The following KTN1 variants were observed in gnomAD, a reference collection of about 807,000 sequenced individuals.
KTN1 encodes the protein kinectin.
In KTN1, 130 loss-of-function variants were observed where a neutral mutation model predicts 222.5. That is an observed-to-expected ratio of 0.58 (90% CI 0.51 to 0.68). The LOEUF is 0.68. KTN1 is among the 30% of genes least tolerant of loss of function. The pLI is 0.00. For missense variants in KTN1, 1,508 were observed against 1,500.4 expected (o/e 1.01, Z -0.08); for synonymous variants, 512 against 496.3 (o/e 1.03, Z -0.42).
At position 55,588,391 on chromosome 14, in the gene KTN1, C is replaced by T. The variant is rs371404069; in HGVS notation, c.-31+8037C>T. Reference sequence around the variant, plus strand: ...GTAATTCAACTTTTCCTTGTCATGACTTTTCTCTGCTTCTCGGGAGCACTT... The same window carrying T: ...GTAATTCAACTTTTCCTTGTCATGATTTTTCTCTGCTTCTCGGGAGCACTT... On this transcript the variant is annotated intron_variant, in intron 1 of 43. Transcript: ENST00000395314. 1.5e-4 allele frequency among the ~76,000 whole-genome samples: 23 copies of T among 152,236 alleles called. No homozygotes were observed. In the East Asian group the frequency reaches 1.5e-3, roughly 10 times the overall value.
intron 24 of KTN1, chr14:55,651,243 G>A (rs371034988): frequency 4.4e-6 from 2 of 455,774 alleles, no homozygotes; most frequent in Non-Finnish European, 4.4e-6. Context: ...ATAATGTGTT[G>A]AATGAAACAG....
intron 10 of KTN1, 125 bp downstream of exon 10, chr14:55,636,661 A>T: frequency 3.3e-6 from 2 of 614,980 alleles, no homozygotes; most frequent in East Asian, 5.8e-5. Flanking sequence ...TAGCTTTTAT[A>T]CTTTCAGAAT....
chr14:55,667,266 T>C lies in KTN1; in HGVS notation c.3203T>C (p.Val1068Ala). 6.2e-7 allele frequency: 1 copy of C among 1,606,450 alleles called. No individual in the cohort carries two copies. Among genetic ancestry groups the C allele is most frequent in the Non-Finnish European group, 8.5e-7 (1 of 1,176,514 alleles). The change falls in exon 34 of 44, where the codon GTT becomes GCT. Residue 1068 changes from valine to alanine, a missense_variant. Transcript: ENST00000395314. The part of the protein sequence containing the change: ...SKERQQQVEA[V>A]ELEAKEVLKK... ...GAAAGGCAGCAACAGGTGGAAGCTG[T>C]TGAGTTGGAGGCTAAAGAAGTTCTC...
At position 55,633,219 on chromosome 14, in the gene KTN1, TG is replaced by T; in HGVS notation, c.1222-15del. On this transcript the variant is annotated splice_polypyrimidine_tract_variant and intron_variant, in intron 7 of 43. Coordinates refer to ENST00000395314, the MANE Select transcript of KTN1 (RefSeq NM_001079521.2). ...GTCTTTGTTTTCTAAGTTTTATGTG[TG>T]TAAAATAATTTTAGTTTCAGCAAGT... 1 of 1,498,378 alleles carries T rather than the reference TG, an allele frequency of 6.7e-7. No homozygotes were observed. The highest frequency in any genetic ancestry group is 2.4e-5 in the East Asian group (1 of 41,600). The allele number at this position is 1,498,378 out of a possible 1,614,324, so 92.8% of individuals were successfully genotyped here.
chr14:55,679,667 G>C lies in KTN1; in HGVS notation c.4051G>C (p.Glu1351Gln). 2 of 1,614,000 alleles carry C rather than the reference G, an allele frequency of 1.2e-6. No homozygotes were observed. Among genetic ancestry groups the C allele is most frequent in the South Asian group, 2.2e-5 (2 of 91,064 alleles). The change falls in exon 43 of 44, where the codon GAG becomes CAG. Residue 1351 changes from glutamate to glutamine, a missense_variant. Transcript: ENST00000395314. ...AAACCAACAGCTCACAAAGGAGAAA[G>C]AGCACTACCAGGTGTTAGGTAAGGA... ...AVNQQLTKEKEHYQVLE is the reference protein window; with the variant it reads ...AVNQQLTKEKQHYQVLE
chr14:55,663,812 T>G (rs2044405157), intron 32 of KTN1, 143 bp from the exon 33 acceptor site: 3 of 577,276 alleles, frequency 5.2e-6, no homozygotes, highest in Non-Finnish European at 9.3e-6. Flanking sequence ...GCTTTTTATT[T>G]TTTTGCTAAT....
At chr14:55,657,238 TGACAA>T (rs2043575730) in intron 29 of KTN1, among the ~76,000 whole-genome samples, 1 of 152,210 alleles carries the variant, frequency 6.6e-6, no homozygotes, top group South Asian at 2.1e-4. Flanking sequence ...TTTCCAACAT[TGACAA>T]GGATAAAAAT....
intron 13 of KTN1, among the ~76,000 whole-genome samples, 157 bp downstream of exon 13, chr14:55,639,379 T>C (rs138195380): frequency 3.5e-5 from 5 of 142,876 alleles, no homozygotes; most frequent in East Asian, 2.0e-4. Context: ...TTTTTTTTTT[T>C]CCTTTTTCCC....
At chr14:55,611,820 C>G (rs756234086) in intron 1 of KTN1, among the ~76,000 whole-genome samples, 199 bp from the exon 2 acceptor site, 1 of 152,132 alleles carries the variant, frequency 6.6e-6, no homozygotes, top group Non-Finnish European at 1.5e-5. Context: ...CTAGTTACCA[C>G]TTGTCTTATT....
At chr14:55,646,687 T>C (rs1415127284) in intron 18 of KTN1, among the ~76,000 whole-genome samples, 1 of 151,866 alleles carries the variant, frequency 6.6e-6, no homozygotes, top group African/African-American at 2.4e-5. Flanking sequence ...AGGCAGATTG[T>C]CTTAAGGTTA....
intron 7 of KTN1, among the ~76,000 whole-genome samples, chr14:55,631,343 TATATATATATA>T (rs1484474375): frequency 1.0e-5 from 1 of 99,022 alleles, no homozygotes; most frequent in Non-Finnish European, 2.1e-5. Context: ...ATAAGGTTGA[TATATATATATA>T]TATATATATA....
At chr14:55,645,702 G>T (rs1482635107) in intron 18 of KTN1, among the ~76,000 whole-genome samples, 1 of 151,944 alleles carries the variant, frequency 6.6e-6, no homozygotes, top group African/African-American at 2.4e-5. Context: ...TTTTCCCATT[G>T]GGAAGTTTTT....
At chr14:55,584,717 A>AAC (rs149856821) in intron 1 of KTN1, among the ~76,000 whole-genome samples, 12,166 of 152,260 alleles carry the variant, frequency 0.08, 531 homozygotes, top group South Asian at 0.12. Context: ...ATAACCCTCA[A>AAC]ACACAGTATT....
intron 32 of KTN1, among the ~76,000 whole-genome samples, chr14:55,662,069 CTTTT>C (rs71131302): frequency 4.6e-5 from 6 of 129,680 alleles, no homozygotes; most frequent in Admixed American, 7.9e-5. Context: ...TCCTCCTGCC[CTTTT>C]TTTTTTTTTT....
At chr14:55,660,036 G>A (rs959826038) in intron 31 of KTN1, among the ~76,000 whole-genome samples, 1 of 152,082 alleles carries the variant, frequency 6.6e-6, no homozygotes, top group African/African-American at 2.4e-5. Flanking sequence ...CTTTCTTCTA[G>A]ATGTGATTGT....
chr14:55,659,744 T>A, intron 31 of KTN1, 41 bp downstream of exon 31: 1 of 1,086,672 alleles, frequency 9.2e-7, no homozygotes, highest in South Asian at 1.3e-5. Flanking sequence ...AAGTCGTAAC[T>A]ATTTTTATGT....
At chr14:55,613,330 G>C (rs1445236776) in intron 2 of KTN1, among the ~76,000 whole-genome samples, 1 of 151,982 alleles carries the variant, frequency 6.6e-6, no homozygotes, top group Non-Finnish European at 1.5e-5. Flanking sequence ...GGATGGGGAG[G>C]GGAGGGAGAT....
At chr14:55,642,013 C>A (rs1185049104) in intron 18 of KTN1, among the ~76,000 whole-genome samples, 1 of 152,058 alleles carries the variant, frequency 6.6e-6, no homozygotes, top group African/African-American at 2.4e-5. Flanking sequence ...ATAATTTAAG[C>A]CATTTTGATA....
intron 18 of KTN1, among the ~76,000 whole-genome samples, chr14:55,642,567 C>T (rs935017666): frequency 9.9e-5 from 15 of 152,114 alleles, no homozygotes; most frequent in Non-Finnish European, 2.2e-4. Context: ...TGCGTTTGTT[C>T]CTAATATTAA....
Sources: allele counts gnomAD v4.1 joint callset (sites outside exome capture counted in the v4.1 genomes callset), GRCh38; gene constraint gnomAD v4.1.1; transcripts MANE v1.5; gene names NCBI Gene and HGNC (gene_info 2026-07-23, HGNC 2026-07-21).